VAV1: variants seen among roughly 807,000 people sequenced by gnomAD.
VAV1 encodes vav guanine nucleotide exchange factor 1, also known as proto-oncogene vav.
VAV1 carries 33 observed loss-of-function variants against 128.1 expected under a neutral mutation model. That is an observed-to-expected ratio of 0.26 (90% CI 0.20 to 0.34). VAV1 has a LOEUF of 0.34. Ranked by LOEUF, VAV1 falls within the 10% of genes least tolerant of loss-of-function variation. The pLI is 1.00. For synonymous variants in VAV1, 394 were observed against 409.8 expected (o/e 0.96, Z 0.47); for missense variants, 715 against 1,093.7 (o/e 0.65, Z 4.88).
intron 22 of VAV1, 72 bp downstream of exon 22, chr19:6,843,238 A>T: frequency 6.5e-7 from 1 of 1,549,642 alleles, no homozygotes; most frequent in Non-Finnish European, 8.9e-7. Context: ...GTATGGGAGG[A>T]ACCTCCGAGC....
chr19:6,826,671 G>A lies in VAV1; in HGVS notation c.887G>A (p.Arg296His), dbSNP rs375777917. Residue 296 changes from arginine to histidine, a missense_variant, in exon 9 of 27, where the codon CGT becomes CAT. This residue lies in a region of VAV1 where 302 missense variants were observed against 477.8 expected (regional missense o/e 0.63). Transcript: ENST00000602142. This position sits in a 1 kb window ranked among gnomAD's most constrained non-coding sequence, Gnocchi z 4.1. ...GAGTCAGCCAGCAAACACCTGGACC[G>A]TGTGGCCGCAGCCCGGGAGGACGTG... is the stretch of plus-strand genomic sequence containing the variant. ...QVESASKHLDRVAAAREDVQM... is the reference protein window; with the variant it reads ...QVESASKHLDHVAAAREDVQM... 7.6e-5 allele frequency: 118 copies of A among 1,561,194 alleles called. No individual in the cohort carries two copies. The highest frequency in any genetic ancestry group is 1.9e-4 in the Admixed American group (10 of 52,566).
rs756006907 is a variant in VAV1 at position 6,854,020 on chromosome 19, G to A, written c.2406G>A (p.Ser802=). The change falls in exon 26 of 27, where the codon TCG becomes TCA. Residue 802 remains serine (S), a synonymous_variant. Transcript: ENST00000602142. Reference sequence around the variant, plus strand: ...GCGCCCGAGACCGATCAGAGCTGTCGCTCAAGGAGGGTGACATCATCAAGA... The same window carrying A: ...GCGCCCGAGACCGATCAGAGCTGTCACTCAAGGAGGGTGACATCATCAAGA... The part of the protein sequence containing the change: ...DFCARDRSEL[S]LKEGDIIKIL... The A allele has an allele frequency of 2.9e-5, 47 of 1,613,850 alleles. No homozygotes were observed. The East Asian group carries it at 5.3e-4, about 18-fold the overall frequency.
intron 1 of VAV1, among the ~76,000 whole-genome samples, chr19:6,774,185 T>G (rs1970567011): frequency 6.6e-6 from 1 of 152,114 alleles, no homozygotes; most frequent in Admixed American, 6.6e-5. Flanking sequence ...TGGAGTGCAA[T>G]GGCACCATCT....
At position 6,826,979 on chromosome 19, in the gene VAV1, C is replaced by T. The variant is rs2144779941; in HGVS notation, c.927+268C>T. ...CTCTGATCTCACACTCAACCCCAGC[C>T]CTGGGCTGAGCCCTAGCACTGATTG... On this transcript the variant is annotated intron_variant, in intron 9 of 26. Transcript: ENST00000602142. This position sits in a 1 kb window ranked among gnomAD's most constrained non-coding sequence, Gnocchi z 4.1. The T allele has an allele frequency of 5.9e-6, 3 of 509,344 alleles. No individual in the cohort carries two copies. Among genetic ancestry groups the T allele is most frequent in the Admixed American group, 3.2e-5 (1 of 31,346 alleles). The allele number at this position is 509,344 out of a possible 1,614,324, so 31.6% of individuals were successfully genotyped here. A position where few individuals can be genotyped will look rare whatever the true frequency, so the allele number is the denominator to read the frequency against.
At chr19:6,817,911 C>T (rs1413025654) in intron 1 of VAV1, among the ~76,000 whole-genome samples, 1 of 152,194 alleles carries the variant, frequency 6.6e-6, no homozygotes, top group East Asian at 1.9e-4. Flanking sequence ...TGGTCTCGAT[C>T]TCCTGACCTC....
At position 6,826,805 on chromosome 19, in the gene VAV1, C is replaced by G. The variant is rs1971929607; in HGVS notation, c.927+94C>G. 1.0e-6 allele frequency: 1 copy of G among 983,790 alleles called. No individual in the cohort carries two copies. The highest frequency in any genetic ancestry group is 2.1e-5 in the Admixed American group (1 of 47,594). 60.9% of individuals were successfully genotyped at this position (983,790 alleles called of 1,614,324 possible). A position where few individuals can be genotyped will look rare whatever the true frequency, so the allele number is the denominator to read the frequency against. On this transcript the variant is annotated intron_variant, in intron 9 of 26. Transcript: ENST00000602142. This position sits in a 1 kb window ranked among gnomAD's most constrained non-coding sequence, Gnocchi z 4.1. ...CACTGAGTTGCAGATGGTCCACTTT[C>G]TGCTGCAGCCCAGCCAGAGATCCAC...
intron 1 of VAV1, among the ~76,000 whole-genome samples, chr19:6,786,642 G>A (rs1970899822): frequency 6.6e-6 from 1 of 151,928 alleles, no homozygotes; most frequent in South Asian, 2.1e-4. Flanking sequence ...AATTACCTGG[G>A]TGTGATGGTG....
intron 1 of VAV1, among the ~76,000 whole-genome samples, chr19:6,795,457 G>A (rs992034416): frequency 1.4e-5 from 2 of 140,642 alleles, no homozygotes; most frequent in African/African-American, 5.4e-5. Flanking sequence ...GCTTCACCCA[G>A]GGCGTAGTTC....
intron 1 of VAV1, among the ~76,000 whole-genome samples, chr19:6,776,315 TCCA>T (rs1970629643): frequency 2.0e-5 from 3 of 147,012 alleles, no homozygotes; most frequent in Non-Finnish European, 3.0e-5. Flanking sequence ...CATCCATCCA[TCCA>T]TCCATCTGCT....
At chr19:6,814,664 C>CTTTCTTCCTTTCTTTCTTTCTTTCTTTCT (rs1355542505) in intron 1 of VAV1, among the ~76,000 whole-genome samples, 6 of 76,898 alleles carry the variant, frequency 7.8e-5, no homozygotes, top group African/African-American at 5.1e-4. Flanking sequence ...TCCTTCCTTC[C>CTTTCTTCCTTTCTTTCTTTCTTTCTTTCT]TTCCTTCCTT....
At chr19:6,833,495 C>T in intron 16 of VAV1, 33 bp from the exon 17 acceptor site, 4 of 1,560,142 alleles carry the variant, frequency 2.6e-6, no homozygotes, top group South Asian at 1.2e-5. Context: ...GTAAAGGTCA[C>T]TCGCTCTTCT....
At chr19:6,817,136 C>T (rs1971672365) in intron 1 of VAV1, among the ~76,000 whole-genome samples, 1 of 151,612 alleles carries the variant, frequency 6.6e-6, no homozygotes, top group Non-Finnish European at 1.5e-5. Flanking sequence ...GCAACCTCCG[C>T]CTCCTGGTTC....
intron 1 of VAV1, among the ~76,000 whole-genome samples, chr19:6,807,860 A>G (rs887547797): frequency 4.6e-5 from 7 of 151,674 alleles, no homozygotes; most frequent in Non-Finnish European, 8.8e-5. Flanking sequence ...GCTTGGTGGC[A>G]CACACCTGTA....
chr19:6,835,214 T>TACACACACAC (rs59124872), intron 19 of VAV1, among the ~76,000 whole-genome samples: 46 of 145,444 alleles, frequency 3.2e-4, no homozygotes, highest in African/African-American at 1.2e-3. Flanking sequence ...TATATATACA[T>TACACACACAC]ACACACACAC....
At chr19:6,853,788 C>G (rs763684980) in intron 25 of VAV1, among the ~76,000 whole-genome samples, 159 bp from the exon 26 acceptor site, 1 of 151,704 alleles carries the variant, frequency 6.6e-6, no homozygotes. Flanking sequence ...GCTGGGAGTA[C>G]AATTGTGTCC....
chr19:6,777,522 T>C lies in VAV1; in HGVS notation c.204+4511T>C, dbSNP rs533646793. On this transcript the variant is annotated intron_variant, in intron 1 of 26. Transcript: ENST00000602142. This position sits in a 1 kb window ranked among gnomAD's most constrained non-coding sequence, Gnocchi z 4.4. ...GAGGAGGGCTAGTGGTAAGGTGACA[T>C]TGCAGCAGAGACCTGGGGAAAATTA... 6.6e-6 allele frequency among the ~76,000 whole-genome samples: 1 copy of C among 152,246 alleles called. No individual in the cohort carries two copies. Among genetic ancestry groups the C allele is most frequent in the Admixed American group, 6.5e-5 (1 of 15,290 alleles).
chr19:6,814,481 CACTT>C (rs1194765466), intron 1 of VAV1, among the ~76,000 whole-genome samples: 1 of 152,012 alleles, frequency 6.6e-6, no homozygotes, highest in African/African-American at 2.4e-5. Flanking sequence ...TATGTACTGA[CACTT>C]AGTACACTTT....
At chr19:6,773,127 T>A in intron 1 of VAV1, 116 bp downstream of exon 1, 1 of 1,368,222 alleles carries the variant, frequency 7.3e-7, no homozygotes, top group Non-Finnish European at 1.0e-6. Flanking sequence ...AGAGGGAATA[T>A]GCTTACAGGT....
At chr19:6,846,257 A>G (rs2144819260) in intron 22 of VAV1, among the ~76,000 whole-genome samples, 1 of 151,430 alleles carries the variant, frequency 6.6e-6, no homozygotes, top group East Asian at 1.9e-4. Flanking sequence ...TATAATATAC[A>G]TTACATTAAC....
Sources: allele counts gnomAD v4.1 joint callset (sites outside exome capture counted in the v4.1 genomes callset), GRCh38; gene constraint gnomAD v4.1.1; regional missense constraint gnomAD v4.1.1; non-coding constraint Gnocchi (gnomAD v3.1); transcripts MANE v1.5; gene names NCBI Gene and HGNC (gene_info 2026-07-23, HGNC 2026-07-21).